Variants in RPL34 observed in about 807,000 individuals in gnomAD.
RPL34 encodes large ribosomal subunit protein eL34.
Under a neutral mutation model 16.3 loss-of-function variants are expected in RPL34, and 2 were observed. That is an observed-to-expected ratio of 0.12 (90% confidence interval 0.05 to 0.39). The LOEUF (loss-of-function observed/expected upper bound fraction) is 0.39. Among genes scored for constraint, RPL34 ranks in the 10% least tolerant of loss-of-function variants. The pLI is 0.99. For missense variants in RPL34, 82 were observed against 148.8 expected (o/e 0.55, Z 2.33); for synonymous variants, 47 against 48.5 (o/e 0.97, Z 0.13).
chr4:108,623,198 T>C (rs1725857323), intron 4 of RPL34: 1 of 152,298 alleles, frequency 6.6e-6, no homozygotes, highest in South Asian at 2.1e-4. Flanking sequence ...CTGGGCGTGG[T>C]GGCGCATGCC....
At position 108,625,262 on chromosome 4, in the gene RPL34, G is replaced by T; in HGVS notation, c.*50G>T. 2.6e-6 allele frequency: 3 copies of T among 1,159,484 alleles called. No individual in the cohort carries two copies. Among genetic ancestry groups the T allele is most frequent in the South Asian group, 2.8e-5 (2 of 72,686 alleles). 71.8% of individuals were successfully genotyped at this position (1,159,484 alleles called of 1,614,324 possible). On this transcript the variant is annotated 3_prime_UTR_variant, in exon 5 of 5. Transcript: ENST00000394667. ...AAAAATGAAAAGACGCTGTATGTAT[G>T]ACTTTTTTTTTTTCTGTTGTAATGT...
At chr4:108,629,156 C>T (rs1726104962), downstream of RPL34, among the ~76,000 whole-genome samples, 1 of 152,104 alleles carries the variant, frequency 6.6e-6, no homozygotes, top group South Asian at 2.1e-4. Context: ...GTTTTTCCTC[C>T]CATCTTGTTT....
At chr4:108,627,607 A>G (rs1401787291), downstream of RPL34, among the ~76,000 whole-genome samples, 2 of 152,080 alleles carry the variant, frequency 1.3e-5, no homozygotes, top group Non-Finnish European at 2.9e-5. Context: ...CACGCCTGTA[A>G]TCCCAGCACT....
intron 2 of RPL34, 38 bp downstream of exon 2, chr4:108,622,062 T>G (rs1449249913): frequency 1.9e-6 from 3 of 1,593,670 alleles, no homozygotes; most frequent in Middle Eastern, 3.3e-4. Flanking sequence ...ATATTGTCAT[T>G]TACTCTACAA....
intron 1 of RPL34, 146 bp from the exon 2 acceptor site, chr4:108,621,805 T>C (rs1177594000): frequency 6.5e-6 from 4 of 619,734 alleles, no homozygotes; most frequent in Non-Finnish European, 1.2e-5. Context: ...ATACAAGTAG[T>C]TTTAAAATGT....
downstream of RPL34, among the ~76,000 whole-genome samples, chr4:108,626,221 A>C (rs1725995194): frequency 6.6e-6 from 1 of 151,610 alleles, no homozygotes; most frequent in African/African-American, 2.4e-5. Context: ...TGCAACCTCC[A>C]CCTCCTGGAC....
chr4:108,626,427 C>T (rs1726002472), downstream of RPL34, among the ~76,000 whole-genome samples: 1 of 151,222 alleles, frequency 6.6e-6, no homozygotes, highest in Admixed American at 6.6e-5. Flanking sequence ...ATTCTTCTGC[C>T]CAACCTGTTG....
intron 1 of RPL34, 154 bp from the exon 2 acceptor site, chr4:108,621,797 A>G (rs1181891806): frequency 1.7e-6 from 1 of 602,180 alleles, no homozygotes; most frequent in African/African-American, 1.9e-5. Flanking sequence ...ACCTTTAAAT[A>G]CAAGTAGTTT....
At chr4:108,626,866 A>T (rs1726019172), downstream of RPL34, among the ~76,000 whole-genome samples, 1 of 152,186 alleles carries the variant, frequency 6.6e-6, no homozygotes, top group Admixed American at 6.5e-5. Flanking sequence ...TATTTTCCTC[A>T]GTTGAGGAAA....
chr4:108,626,277 G>A (rs1338824257), downstream of RPL34, among the ~76,000 whole-genome samples: 4 of 151,430 alleles, frequency 2.6e-5, no homozygotes, highest in African/African-American at 9.7e-5. Context: ...GGGACTACAG[G>A]TAGGCACCAC....
In RPL34 at chr4:108,625,112, G is replaced by A. The variant is rs753922634; in HGVS notation, c.270-16G>A. On this transcript the variant is annotated splice_polypyrimidine_tract_variant and intron_variant, in intron 4 of 4. Transcript: ENST00000394667. ...TCATTTTAAAGAAATGATTAATTTG[G>A]TATTTTCCTTTCTAGGATCAAGCGT... The A allele has an allele frequency of 6.4e-7, 1 of 1,556,810 alleles. No homozygotes were observed. The highest frequency in any genetic ancestry group is 2.2e-5 in the East Asian group (1 of 44,606).
downstream of RPL34, chr4:108,629,925 C>A (rs1726123612): frequency 6.6e-6 from 1 of 152,182 alleles, no homozygotes; most frequent in South Asian, 2.1e-4. Context: ...CACATATAAT[C>A]CTCACAGAGT....
chr4:108,626,315 A>G (rs992837110), downstream of RPL34, among the ~76,000 whole-genome samples: 2 of 151,602 alleles, frequency 1.3e-5, no homozygotes, highest in African/African-American at 4.8e-5. Context: ...TGGTTTTTTG[A>G]GAAACAGTTT....
downstream of RPL34, among the ~76,000 whole-genome samples, chr4:108,628,230 T>C (rs540356793): frequency 1.3e-5 from 2 of 152,332 alleles, no homozygotes; most frequent in South Asian, 4.1e-4. Flanking sequence ...TTGTATAATG[T>C]TTAATCACAG....
chr4:108,627,082 A>G (rs1205890400), downstream of RPL34, among the ~76,000 whole-genome samples: 1 of 152,138 alleles, frequency 6.6e-6, no homozygotes, highest in Admixed American at 6.5e-5. Flanking sequence ...TACTAAAAAT[A>G]CAAAAAACTA....
rs189526506 is a variant in RPL34, at chr4:108,624,586, C to T, written c.270-542C>T. Reference sequence around the variant, plus strand: ...ATCCTCATAAACTCCCTGTTAAATACGTGTGAAACTATTTTGTGCCTTAAT... The same window carrying T: ...ATCCTCATAAACTCCCTGTTAAATATGTGTGAAACTATTTTGTGCCTTAAT... On this transcript the variant is annotated intron_variant, in intron 4 of 4. Coordinates refer to ENST00000394667, the MANE Select transcript of RPL34 (RefSeq NM_001319236.2). Among the ~76,000 whole-genome samples the T allele has an allele frequency of 1.9e-3, 292 of 152,248 alleles. 2 individuals are homozygous for T. The highest frequency in any genetic ancestry group is 6.5e-3 in the African/African-American group (269 of 41,560).
At chr4:108,621,580 A>G in intron 1 of RPL34, 1 of 245,092 alleles carries the variant, frequency 4.1e-6, no homozygotes, top group East Asian at 9.8e-5. Flanking sequence ...AGTAAATGGC[A>G]TAGCTAAGGA....
intron 3 of RPL34, 116 bp downstream of exon 3, chr4:108,622,320 A>G (rs1280100900): frequency 5.6e-6 from 5 of 891,014 alleles, no homozygotes; most frequent in African/African-American, 1.7e-5. Flanking sequence ...CAGAATTACT[A>G]AACATTCATG....
rs1003083078 is a variant in RPL34 at position 108,625,366 on chromosome 4, T to C, written c.*154T>C. 1.9e-6 allele frequency: 1 copy of C among 526,404 alleles called. No homozygotes were observed. The highest frequency in any genetic ancestry group is 1.9e-5 in the African/African-American group (1 of 52,224). 32.6% of individuals were successfully genotyped at this position (526,404 alleles called of 1,614,324 possible). On this transcript the variant is annotated 3_prime_UTR_variant, in exon 5 of 5. Transcript: ENST00000394667. The stretch of plus-strand genomic sequence containing the variant: ...GCAGATTACTTTTTCTTGTTTTGTT[T>C]GTTGTTTGTTTGTTTTTGGTTTGGT...
Sources: allele counts gnomAD v4.1 joint callset (sites outside exome capture counted in the v4.1 genomes callset), GRCh38; gene constraint gnomAD v4.1.1; transcripts MANE v1.5; gene names NCBI Gene and HGNC (gene_info 2026-07-23, HGNC 2026-07-21).